Variants in VPS8 observed in about 807,000 individuals in gnomAD.
The protein encoded by VPS8 is vacuolar protein sorting-associated protein 8 homolog.
VPS8 carries 129 observed loss-of-function variants against 216.4 expected under a neutral mutation model. The ratio of observed to expected loss-of-function variants is 0.60; its 90% CI spans 0.52 to 0.69. VPS8 has a LOEUF of 0.69. VPS8 is among the 30% of genes least tolerant of loss of function. The pLI is 0.00. For synonymous variants in VPS8, 571 were observed against 565.4 expected (o/e 1.01, Z -0.14); for missense variants, 1,531 against 1,683.5 (o/e 0.91, Z 1.59).
At chr3:184,860,419 A>G (rs990389105) in intron 15 of VPS8, among the ~76,000 whole-genome samples, 10 of 151,084 alleles carry the variant, frequency 6.6e-5, no homozygotes, top group African/African-American at 2.4e-4. Context: ...ATATGTATAT[A>G]TATGTATATA....
intron 26 of VPS8, among the ~76,000 whole-genome samples, 167 bp from the exon 27 acceptor site, chr3:184,914,814 C>G (rs553255838): frequency 6.6e-6 from 1 of 152,324 alleles, no homozygotes; most frequent in South Asian, 2.1e-4. Context: ...CCCACATTTT[C>G]TAAACTGGGT....
rs111231244 is a variant in VPS8, at chr3:184,869,587, C to A, written c.1644+59C>A. On this transcript the variant is annotated intron_variant, in intron 20 of 47. Transcript: ENST00000625842. ...AGTGCAGATTTGCTTTTGTCATTTG[C>A]CAGTATCTTTGGGCATGAGTAGATA... 7,874 of 1,559,808 alleles carry A rather than the reference C, an allele frequency of 5.0e-3. 25 individuals are homozygous for A. Among genetic ancestry groups the A allele is most frequent in the Non-Finnish European group, 6.2e-3 (7,028 of 1,135,764 alleles).
chr3:184,944,637 G>C, intron 36 of VPS8: 1 of 964,010 alleles, frequency 1.0e-6, no homozygotes, highest in South Asian at 4.8e-5. Context: ...GATTTTCCTG[G>C]TAATGTTGAT....
intron 13 of VPS8, among the ~76,000 whole-genome samples, 165 bp from the exon 14 acceptor site, chr3:184,855,546 A>T (rs1438183992): frequency 6.6e-6 from 1 of 152,232 alleles, no homozygotes; most frequent in Non-Finnish European, 1.5e-5. Context: ...CCATCAACCC[A>T]GAAAGTTCCC....
intron 8 of VPS8, among the ~76,000 whole-genome samples, chr3:184,844,315 G>A (rs1268933018): frequency 2.6e-5 from 4 of 152,108 alleles, no homozygotes; most frequent in African/African-American, 9.7e-5. Flanking sequence ...CAGCTACTTG[G>A]GAGGCTGAGG....
At position 184,929,518 on chromosome 3, in the gene VPS8, A is replaced by G. The variant is rs1740308149; in HGVS notation, c.2715-62A>G. ...TTTTCCTAATACTAACCTGTGTGCCAGAGCAAATGTCTCAAAAACCTCCCT... is the reference window on the plus strand; with the variant it reads ...TTTTCCTAATACTAACCTGTGTGCCGGAGCAAATGTCTCAAAAACCTCCCT... On this transcript the variant is annotated intron_variant, in intron 32 of 47. Coordinates refer to ENST00000625842, the MANE Select transcript of VPS8 (RefSeq NM_001009921.3). 4.2e-6 allele frequency: 4 copies of G among 952,648 alleles called. No individual in the cohort carries two copies. The African/African-American group carries it at 6.6e-5, about 16-fold the overall frequency. 59.0% of individuals were successfully genotyped at this position (952,648 alleles called of 1,614,324 possible).
At chr3:185,007,746 T>A (rs571166645) in intron 45 of VPS8, among the ~76,000 whole-genome samples, 7 of 152,228 alleles carry the variant, frequency 4.6e-5, no homozygotes, top group Non-Finnish European at 8.8e-5. Flanking sequence ...TGGTGTTTAG[T>A]GTTCTCTAGG....
At chr3:184,877,813 G>T (rs1456219814) in intron 21 of VPS8, among the ~76,000 whole-genome samples, 5 of 152,154 alleles carry the variant, frequency 3.3e-5, no homozygotes, top group African/African-American at 1.2e-4. Flanking sequence ...AGTAATTTAT[G>T]AGTTTTGGGA....
chr3:184,882,869 TATC>T (rs1730515701), intron 21 of VPS8, among the ~76,000 whole-genome samples: 1 of 152,152 alleles, frequency 6.6e-6, no homozygotes, highest in Admixed American at 6.5e-5. Flanking sequence ...ATTCCCTTAT[TATC>T]CTTTTGATGT....
chr3:184,924,763 G>T (rs937024049), intron 29 of VPS8, 99 bp from the exon 30 acceptor site: 6 of 1,409,034 alleles, frequency 4.3e-6, no homozygotes, highest in Non-Finnish European at 5.6e-6. Flanking sequence ...CTTTTTACGC[G>T]TCTTCAGTCA....
intron 21 of VPS8, among the ~76,000 whole-genome samples, chr3:184,871,568 T>G (rs757900932): frequency 6.6e-6 from 1 of 152,138 alleles, no homozygotes; most frequent in Non-Finnish European, 1.5e-5. Flanking sequence ...AAGCAACCCC[T>G]TAAAATTGTA....
intron 40 of VPS8, among the ~76,000 whole-genome samples, chr3:184,979,037 T>G (rs1410270485): frequency 6.6e-6 from 1 of 152,246 alleles, no homozygotes; most frequent in African/African-American, 2.4e-5. Flanking sequence ...TCTTGATTTC[T>G]GCATTAATTT....
chr3:184,864,816 T>G (rs992312826), intron 16 of VPS8, among the ~76,000 whole-genome samples: 1 of 152,088 alleles, frequency 6.6e-6, no homozygotes, highest in Non-Finnish European at 1.5e-5. Context: ...TCCCATCCAA[T>G]TAGAGATTAC....
chr3:184,951,847 G>A lies in VPS8; in HGVS notation c.3036-5527G>A, dbSNP rs531668985. Among the ~76,000 whole-genome samples the A allele has an allele frequency of 2.0e-5, 3 of 152,330 alleles. No homozygotes were observed. In the South Asian group the frequency reaches 6.2e-4, roughly 32 times the overall value. On this transcript the variant is annotated intron_variant, in intron 36 of 47. Transcript: ENST00000625842. ...TTAATGCTCCAGCTAATTTATTAAA[G>A]TTTTGATTATATTGATGTGGCCTGA...
intron 44 of VPS8, among the ~76,000 whole-genome samples, chr3:184,996,944 A>G (rs1752692325): frequency 6.6e-6 from 1 of 152,214 alleles, no homozygotes; most frequent in African/African-American, 2.4e-5. Flanking sequence ...TTGGGTAAAC[A>G]TGGTACCGTT....
intron 8 of VPS8, 24 bp downstream of exon 8, chr3:184,843,269 C>T: frequency 1.4e-6 from 2 of 1,382,628 alleles, no homozygotes; most frequent in East Asian, 5.1e-5. Flanking sequence ...TTTTAGTTTG[C>T]ATGAATGGTT....
intron 32 of VPS8, 39 bp from the exon 33 acceptor site, chr3:184,929,541 C>T (rs1164725307): frequency 8.1e-7 from 1 of 1,231,270 alleles, no homozygotes; most frequent in Non-Finnish European, 1.2e-6. Flanking sequence ...CAAAAACCTC[C>T]CTGTTTGGTA....
chr3:184,930,389 G>GT (rs749818833), intron 33 of VPS8, 81 bp from the exon 34 acceptor site: 127 of 900,076 alleles, frequency 1.4e-4, no homozygotes, highest in Non-Finnish European at 2.0e-4. Flanking sequence ...GATAATAGAT[G>GT]TTTACCAAGA....
intron 15 of VPS8, among the ~76,000 whole-genome samples, chr3:184,860,468 T>TACACACACACAC (rs59791657): frequency 1.5e-4 from 22 of 147,208 alleles, no homozygotes; most frequent in Non-Finnish European, 2.6e-4. Context: ...TACACACACA[T>TACACACACACAC]ACACACACAC....
Sources: allele counts gnomAD v4.1 joint callset (sites outside exome capture counted in the v4.1 genomes callset), GRCh38; gene constraint gnomAD v4.1.1; transcripts MANE v1.5; gene names NCBI Gene and HGNC (gene_info 2026-07-23, HGNC 2026-07-21).